Variants in FBXO25 observed in about 807,000 individuals in gnomAD.
FBXO25 encodes F-box only protein 25.
FBXO25 carries 45 observed loss-of-function variants against 51.9 expected under a neutral mutation model. The observed-to-expected ratio is 0.87, with a 90% CI of 0.68 to 1.11. The LOEUF (loss-of-function observed/expected upper bound fraction) is 1.11, where lower values mean the gene tolerates loss of function less well. Among genes scored for constraint, FBXO25 ranks in the 50% most tolerant of loss-of-function variants. FBXO25 has a pLI of 0.00. For synonymous variants in FBXO25, 199 were observed against 151.0 expected, an observed-to-expected ratio of 1.32 and a Z score of -2.33; for missense variants, 507 against 428.5, an observed-to-expected ratio of 1.18 and a Z score of -1.62.
At chr8:410,428 G>T (rs1487055119) in intron 1 of FBXO25, among the ~76,000 whole-genome samples, 1 of 149,532 alleles carries the variant, frequency 6.7e-6, no homozygotes, top group Non-Finnish European at 1.5e-5. Flanking sequence ...TTATCCACTT[G>T]ATTTTTTTTT....
chr8:474,686 T>C lies in FBXO25; in HGVS notation c.*5882T>C. 2.2e-6 allele frequency: 1 copy of C among 453,520 alleles called. No individual in the cohort carries two copies. The highest frequency in any genetic ancestry group is 4.4e-6 in the Non-Finnish European group (1 of 226,246). 28.1% of individuals were successfully genotyped at this position (453,520 alleles called of 1,614,324 possible). A position where few individuals can be genotyped will look rare whatever the true frequency, so the allele number is the denominator to read the frequency against. On this transcript the variant is annotated 3_prime_UTR_variant, in exon 10 of 10. Coordinates refer to ENST00000350302, the MANE Select transcript of FBXO25 (RefSeq NM_183420.2). ...TATGTCGTCTTTGGAGAAATGTCTA[T>C]TTGGGCTCTTTGTCCATTTTTCAAT...
Position 435,739 on chromosome 8 carries a change from G to A in FBXO25, c.381+32G>A, listed in dbSNP as rs561294577. 8 of 1,561,432 alleles carry A rather than the reference G, an allele frequency of 5.1e-6. No individual in the cohort carries two copies. The South Asian group carries it at 7.1e-5, about 14-fold the overall frequency. On this transcript the variant is annotated intron_variant, in intron 5 of 9. Transcript: ENST00000350302. ...GTTCTATTTCAAAAACTACTTTGAT[G>A]ACTCTTTTGAACAACTATATTTTGA...
intron 1 of FBXO25, among the ~76,000 whole-genome samples, chr8:410,772 A>C (rs1342401051): frequency 6.6e-6 from 1 of 152,210 alleles, no homozygotes; most frequent in Admixed American, 6.5e-5. Context: ...TAAGGAATAA[A>C]GTATTTTCTA....
chr8:423,027 G>A (rs1397354832), intron 2 of FBXO25, among the ~76,000 whole-genome samples: 1 of 152,206 alleles, frequency 6.6e-6, no homozygotes, highest in Non-Finnish European at 1.5e-5. Context: ...GAACAAATCT[G>A]TTTGTGTCTT....
At chr8:435,449 C>T (rs1230287170) in intron 4 of FBXO25, 166 bp from the exon 5 acceptor site, 2 of 870,168 alleles carry the variant, frequency 2.3e-6, no homozygotes, top group East Asian at 2.7e-5. Context: ...AAATTATTAG[C>T]ATTGCTATAA....
chr8:435,782 C>T (rs1489930372), intron 5 of FBXO25, 75 bp downstream of exon 5: 7 of 1,537,870 alleles, frequency 4.6e-6, no homozygotes, highest in South Asian at 2.5e-5. Context: ...AAGTGTACAA[C>T]GTTGAAGATG....
rs1356463974 is a variant in FBXO25 at position 474,985 on chromosome 8, C to G, written c.*6181C>G. Reference sequence around the variant, plus strand: ...GTTCTTTGATGTACAGAAGTTGTTTCTTTCTTTTAGTTACCTGTGTGTGCC... The same window carrying G: ...GTTCTTTGATGTACAGAAGTTGTTTGTTTCTTTTAGTTACCTGTGTGTGCC... On this transcript the variant is annotated 3_prime_UTR_variant, in exon 10 of 10. Transcript: ENST00000350302. 9 of 399,904 alleles carry G rather than the reference C, an allele frequency of 2.3e-5. No homozygotes were observed. The highest frequency in any genetic ancestry group is 1.5e-4 in the South Asian group (8 of 53,534). The allele number at this position is 399,904 out of a possible 1,614,324, so 24.8% of individuals were successfully genotyped here. A position where few individuals can be genotyped will look rare whatever the true frequency, so the allele number is the denominator to read the frequency against.
intron 3 of FBXO25, 124 bp from the exon 4 acceptor site, chr8:432,762 C>A (rs537187098): frequency 8.2e-7 from 1 of 1,218,162 alleles, no homozygotes; most frequent in African/African-American, 1.6e-5. Context: ...CACGTAAAAG[C>A]ATTTCTTGTC....
intron 5 of FBXO25, among the ~76,000 whole-genome samples, chr8:445,365 A>G (rs1303350377): frequency 6.6e-6 from 1 of 152,220 alleles, no homozygotes; most frequent in African/African-American, 2.4e-5. Flanking sequence ...CCCAGGGAAC[A>G]CATATTCTCT....
intron 2 of FBXO25, among the ~76,000 whole-genome samples, chr8:423,917 A>G (rs1797314911): frequency 6.6e-6 from 1 of 152,192 alleles, no homozygotes; most frequent in Non-Finnish European, 1.5e-5. Flanking sequence ...TCAACAGTGT[A>G]TAAGCATTCT....
At chr8:453,547 C>T (rs999469861) in intron 7 of FBXO25, among the ~76,000 whole-genome samples, 5 of 152,156 alleles carry the variant, frequency 3.3e-5, no homozygotes, top group Admixed American at 1.3e-4. Flanking sequence ...ATGCCGGACT[C>T]AGTCAGCCAA....
rs558370110 is a variant in FBXO25, at chr8:451,294, C to T, written c.501C>T (p.Arg167=). 139 of 1,609,640 alleles carry T rather than the reference C, an allele frequency of 8.6e-5. No homozygotes were observed. The South Asian group carries it at 1.4e-3, about 17-fold the overall frequency. Residue 167 remains arginine (R), a synonymous_variant, in exon 7 of 10, where the codon CGC becomes CGT. Coordinates refer to ENST00000350302, the MANE Select transcript of FBXO25 (RefSeq NM_183420.2). ...TTCTTGATGACCACCACAATCCTCG[C>T]TTAATCAAAGATCTTCTGCAAGACC... The part of the protein sequence containing the change: ...QKVLDDHHNP[R]LIKDLLQDLS...
chr8:407,451 C>T (rs1169186933), intron 1 of FBXO25: 1 of 982,992 alleles, frequency 1.0e-6, no homozygotes, highest in African/African-American at 1.8e-5. Flanking sequence ...GTGGAGGGTT[C>T]ATTCAGGGAG....
chr8:457,468 CATTTA>C (rs1799522610), intron 7 of FBXO25, among the ~76,000 whole-genome samples: 1 of 152,156 alleles, frequency 6.6e-6, no homozygotes, highest in African/African-American at 2.4e-5. Flanking sequence ...AGATGCATTG[CATTTA>C]CTCTCTGGCG....
At chr8:451,176 T>C in intron 6 of FBXO25, 93 bp from the exon 7 acceptor site, 4 of 1,047,104 alleles carry the variant, frequency 3.8e-6, no homozygotes, top group Non-Finnish European at 5.5e-6. Context: ...TGTCTGTTCG[T>C]CTATCAGTGG....
At chr8:433,288 T>C (rs1797922659) in intron 4 of FBXO25, among the ~76,000 whole-genome samples, 1 of 152,160 alleles carries the variant, frequency 6.6e-6, no homozygotes, top group African/African-American at 2.4e-5. Context: ...ATGTGGTATA[T>C]GTGTGCAGTG....
chr8:467,174 A>G (rs1419557528), intron 9 of FBXO25, among the ~76,000 whole-genome samples: 1 of 152,192 alleles, frequency 6.6e-6, no homozygotes, highest in Non-Finnish European at 1.5e-5. Context: ...ACAGGAGGGC[A>G]GCTGCTGAGG....
intron 2 of FBXO25, among the ~76,000 whole-genome samples, chr8:419,931 C>A (rs1797047316): frequency 6.6e-6 from 1 of 151,946 alleles, no homozygotes; most frequent in Non-Finnish European, 1.5e-5. Context: ...AGAAAACAAC[C>A]CAGTAAAAAA....
chr8:447,138 G>C (rs1585067218), intron 5 of FBXO25, among the ~76,000 whole-genome samples: 1 of 152,306 alleles, frequency 6.6e-6, no homozygotes, highest in East Asian at 1.9e-4. Context: ...AGTCGCAGAT[G>C]TTCAACTCCA....
Sources: gnomAD v4.1 joint callset for allele counts (sites outside exome capture counted in the v4.1 genomes callset) on GRCh38, gnomAD v4.1.1 for gene constraint, MANE v1.5 for transcripts, NCBI Gene and HGNC (gene_info 2026-07-23, HGNC 2026-07-21) for gene names.